MECR: variants seen among roughly 807,000 people sequenced by gnomAD.
The protein encoded by MECR is enoyl-[acyl-carrier-protein] reductase, mitochondrial.
Under a neutral mutation model 49.1 loss-of-function variants are expected in MECR, and 37 were observed. The observed-to-expected ratio is 0.75, with a 90% CI of 0.58 to 0.99. MECR has a LOEUF of 0.99. MECR is among the 50% of genes least tolerant of loss of function. MECR has a pLI of 0.00. For synonymous variants in MECR, 198 were observed against 191.1 expected (o/e 1.04, Z -0.30); for missense variants, 470 against 479.6 (o/e 0.98, Z 0.19).
chr1:29,209,337 G>A (rs1677381074), intron 3 of MECR, among the ~76,000 whole-genome samples: 1 of 152,214 alleles, frequency 6.6e-6, no homozygotes, highest in African/African-American at 2.4e-5. Context: ...TGTGGTATGA[G>A]AACATGACCT....
downstream of MECR, among the ~76,000 whole-genome samples, chr1:29,190,018 A>C (rs942085377): frequency 4.6e-5 from 7 of 152,312 alleles, no homozygotes; most frequent in African/African-American, 1.7e-4. Flanking sequence ...CATGTAAAAC[A>C]AGTCCTGAGG....
chr1:29,182,318 T>C, the MECR span, among the ~76,000 whole-genome samples: 1 of 152,158 alleles, frequency 6.6e-6, no homozygotes, highest in Non-Finnish European at 1.5e-5. Context: ...ATCTTTTCTG[T>C]AAAAGGGGGA....
At chr1:29,181,205 G>A in the MECR span, among the ~76,000 whole-genome samples, 9 of 152,228 alleles carry the variant, frequency 5.9e-5, no homozygotes, top group Non-Finnish European at 1.2e-4. Flanking sequence ...GTGACCGTCT[G>A]ATCCATGAGA....
chr1:29,190,234 G>T (rs1177919244), downstream of MECR, among the ~76,000 whole-genome samples: 1 of 152,174 alleles, frequency 6.6e-6, no homozygotes, highest in African/African-American at 2.4e-5. Context: ...AATTAGCCAG[G>T]CGCGGTGGCA....
the MECR span, among the ~76,000 whole-genome samples, chr1:29,178,499 A>G: frequency 6.6e-6 from 1 of 151,954 alleles, no homozygotes; most frequent in Non-Finnish European, 1.5e-5. Context: ...GCCTGCCACC[A>G]TGCCCGGCTA....
At chr1:29,168,215 G>A in the MECR span, among the ~76,000 whole-genome samples, 2 of 137,766 alleles carry the variant, frequency 1.5e-5, no homozygotes, top group African/African-American at 2.7e-5. Flanking sequence ...TTTTTTAGGA[G>A]AGACAGGGTT....
intron 9 of MECR, 128 bp from the exon 10 acceptor site, chr1:29,194,307 C>T (rs1339839698): frequency 3.7e-6 from 4 of 1,080,146 alleles, no homozygotes; most frequent in Non-Finnish European, 5.3e-6. Context: ...CCTGGCTGTG[C>T]CAAGGATAGG....
chr1:29,225,574 C>T (rs1681835736), intron 1 of MECR, among the ~76,000 whole-genome samples: 1 of 152,092 alleles, frequency 6.6e-6, no homozygotes, highest in African/African-American at 2.4e-5. Flanking sequence ...AACTCTGTAC[C>T]CTCAGTGCCT....
chr1:29,219,173 G>A (rs903395484), intron 1 of MECR, among the ~76,000 whole-genome samples: 3 of 152,200 alleles, frequency 2.0e-5, no homozygotes, highest in Admixed American at 1.3e-4. Flanking sequence ...AGATAGTGAT[G>A]TTTCACTCTC....
intron 1 of MECR, among the ~76,000 whole-genome samples, chr1:29,225,154 G>A (rs949776358): frequency 2.6e-5 from 4 of 152,198 alleles, no homozygotes; most frequent in African/African-American, 4.8e-5. Context: ...TGTGGAATCC[G>A]CTTAAGCTTG....
intron 1 of MECR, among the ~76,000 whole-genome samples, chr1:29,219,013 G>A (rs1680132176): frequency 6.6e-6 from 1 of 152,174 alleles, no homozygotes; most frequent in African/African-American, 2.4e-5. Flanking sequence ...GAACCTGGCA[G>A]TGTGATCTAG....
chr1:29,181,141 C>T, the MECR span, among the ~76,000 whole-genome samples: 22 of 152,242 alleles, frequency 1.4e-4, no homozygotes, highest in African/African-American at 5.1e-4. Flanking sequence ...AAGCGTGGCA[C>T]ACGGCTAAAA....
At chr1:29,180,630 T>C in the MECR span, among the ~76,000 whole-genome samples, 3 of 152,206 alleles carry the variant, frequency 2.0e-5, no homozygotes, top group African/African-American at 7.2e-5. Flanking sequence ...AAGAGTTCTC[T>C]AACACCCAAG....
rs1558481856 is a variant in MECR, at chr1:29,216,544, GAACA to G, written c.274+40_274+43del. ...GAGGAATGAAAATGAGGTGGCAGCTGAACAAAAAAGCCAATTAACATAAGCCACA... is the reference window on the plus strand; with the variant it reads ...GAGGAATGAAAATGAGGTGGCAGCTGAAAAAGCCAATTAACATAAGCCACA... On this transcript the variant is annotated intron_variant, in intron 2 of 9. Coordinates refer to ENST00000263702, the MANE Select transcript of MECR (RefSeq NM_016011.5). 5.1e-6 allele frequency: 8 copies of G among 1,582,130 alleles called. 1 individual carries two copies. Among genetic ancestry groups the G allele is most frequent in the Middle Eastern group, 1.7e-4 (1 of 6,002 alleles).
At position 29,194,183 on chromosome 1, in the gene MECR, C is replaced by T. The variant is rs370517064; in HGVS notation, c.965-4G>A. The stretch of plus-strand genomic sequence containing the variant: ...AGGATCAGCTCCTTGAACTGGTCTG[C>T]GGGAGGTTGGAGGAAATCAGACAAG... On this transcript the variant is annotated splice_polypyrimidine_tract_variant and splice_region_variant and intron_variant, in intron 9 of 9. Transcript: ENST00000263702. 530 of 1,597,614 alleles carry T rather than the reference C, an allele frequency of 3.3e-4. No homozygotes were observed. The highest frequency in any genetic ancestry group is 8.3e-4 in the Admixed American group (48 of 57,866).
the MECR span, chr1:29,172,219 T>C: frequency 6.6e-6 from 1 of 152,200 alleles, no homozygotes; most frequent in African/African-American, 2.4e-5. Flanking sequence ...ACTTAATTCA[T>C]AGTCCTATCT....
intron 1 of MECR, among the ~76,000 whole-genome samples, chr1:29,229,668 A>G (rs745561195): frequency 6.6e-6 from 1 of 152,230 alleles, no homozygotes; most frequent in Non-Finnish European, 1.5e-5. Flanking sequence ...GATTACCACT[A>G]TGAACTTTGT....
the MECR span, among the ~76,000 whole-genome samples, chr1:29,180,734 G>A: frequency 1.3e-5 from 2 of 152,174 alleles, no homozygotes; most frequent in African/African-American, 4.8e-5. Context: ...TTTCCCCGTT[G>A]AGTATTTTCT....
At chr1:29,216,557 A>C (rs1217281738) in intron 2 of MECR, 31 bp downstream of exon 2, 6 of 1,606,710 alleles carry the variant, frequency 3.7e-6, no homozygotes, top group Non-Finnish European at 5.1e-6. Flanking sequence ...CAAAAAAGCC[A>C]ATTAACATAA....
Sources: allele counts gnomAD v4.1 joint callset (sites outside exome capture counted in the v4.1 genomes callset), GRCh38; gene constraint gnomAD v4.1.1; transcripts MANE v1.5; gene names NCBI Gene and HGNC (gene_info 2026-07-23, HGNC 2026-07-21).